Variants in CDH18 observed in about 807,000 individuals in gnomAD.
CDH18 encodes the protein cadherin 18.
A neutral mutation model predicts 67.9 loss-of-function variants in CDH18; 31 were observed. The observed-to-expected ratio is 0.46, with a 90% CI of 0.34 to 0.62. The LOEUF is 0.62. Among genes scored for constraint, CDH18 ranks in the 20% least tolerant of loss-of-function variants. CDH18 has a pLI of 0.01. For synonymous variants in CDH18, 362 were observed against 347.2 expected (o/e 1.04, Z -0.48); for missense variants, 890 against 975.5 (o/e 0.91, Z 1.17).
intron 2 of CDH18, among the ~76,000 whole-genome samples, chr5:20,167,716 G>A (rs1386658168): frequency 6.6e-6 from 1 of 152,126 alleles, no homozygotes; most frequent in Non-Finnish European, 1.5e-5. Flanking sequence ...AGATCCAAGG[G>A]AACAAGGTGG....
chr5:19,725,418 T>C (rs1275072338), intron 4 of CDH18, among the ~76,000 whole-genome samples: 1 of 152,176 alleles, frequency 6.6e-6, no homozygotes, highest in East Asian at 1.9e-4. Flanking sequence ...GATTAGACTT[T>C]AAATGTGCAG....
chr5:19,893,769 C>T (rs1789015516), intron 2 of CDH18, among the ~76,000 whole-genome samples: 1 of 152,080 alleles, frequency 6.6e-6, no homozygotes, highest in Non-Finnish European at 1.5e-5. Context: ...GTTATTTTTG[C>T]TCACCTAAAT....
chr5:19,643,269 A>G (rs1055601440), intron 5 of CDH18, among the ~76,000 whole-genome samples: 2 of 152,130 alleles, frequency 1.3e-5, no homozygotes, highest in African/African-American at 4.8e-5. Context: ...ATGAAAAACA[A>G]TATGAAGGTT....
intron 2 of CDH18, among the ~76,000 whole-genome samples, chr5:19,995,921 A>T (rs1158036026): frequency 1.3e-5 from 2 of 152,136 alleles, no homozygotes; most frequent in African/African-American, 4.8e-5. Flanking sequence ...ATGAAAATTG[A>T]CATTTAGAAG....
In CDH18 at chr5:20,242,596, GAAA is replaced by G. The variant is rs376279568; in HGVS notation, c.-518+12845_-518+12847del. ...TTCTAGGTTTTGGGTTTCATTGAGG[GAAA>G]AAAAAAAAAAAAATATATATATATA... On this transcript the variant is annotated intron_variant, in intron 2 of 14. Transcript: ENST00000507958. Among the ~76,000 whole-genome samples the G allele has an allele frequency of 3.6e-4, 28 of 77,746 alleles. 1 individual carries two copies. The highest frequency in any genetic ancestry group is 8.9e-4 in the African/African-American group (10 of 11,236). 51.0% of individuals were successfully genotyped at this position (77,746 alleles called of 152,430 possible). A position where few individuals can be genotyped will look rare whatever the true frequency, so the allele number is the denominator to read the frequency against.
At chr5:20,428,367 C>A (rs1171658230) in intron 1 of CDH18, among the ~76,000 whole-genome samples, 2 of 152,090 alleles carry the variant, frequency 1.3e-5, no homozygotes, top group African/African-American at 4.8e-5. Flanking sequence ...TGGGTTAGTT[C>A]CAAGTCTTTG....
chr5:20,558,390 A>G (rs1269340665), intron 1 of CDH18, among the ~76,000 whole-genome samples: 1 of 152,122 alleles, frequency 6.6e-6, no homozygotes, highest in Non-Finnish European at 1.5e-5. Flanking sequence ...AAAAAAGGTT[A>G]GTATCTCCAG....
In CDH18 at chr5:19,473,467, T is replaced by C. The variant is rs1737898333; in HGVS notation, c.2132A>G (p.Asp711Gly). Residue 711 changes from aspartate to glycine, a missense_variant, in exon 13 of 13, where the codon GAT becomes GGT. Asp to Gly is a moderately conservative substitution (Grantham distance 94). This residue lies in a region of CDH18 where 656 missense variants were observed against 668.1 expected (regional missense o/e 0.98). Transcript: ENST00000382275. ...HQTSSTLESI[D>G]VQEFIKQRLA... ...TCTTTGCTTAATAAATTCCTGAACA[T>C]CTATGCTTTCCAGGGTGGATGATGT... 1.2e-6 allele frequency: 2 copies of C among 1,613,780 alleles called. No individual in the cohort carries two copies. Among genetic ancestry groups the C allele is most frequent in the Non-Finnish European group, 1.7e-6 (2 of 1,179,862 alleles).
chr5:20,359,141 G>A (rs1275821882), intron 1 of CDH18, among the ~76,000 whole-genome samples: 1 of 151,824 alleles, frequency 6.6e-6, no homozygotes, highest in African/African-American at 2.4e-5. Context: ...ATGTTGGTCA[G>A]GCTGGTCTCA....
At chr5:20,133,800 C>A (rs561062730) in intron 2 of CDH18, among the ~76,000 whole-genome samples, 1 of 151,912 alleles carries the variant, frequency 6.6e-6, no homozygotes, top group Non-Finnish European at 1.5e-5. Context: ...GATATTCAGC[C>A]TGCTTAGTGT....
intron 2 of CDH18, among the ~76,000 whole-genome samples, chr5:20,000,843 G>A (rs745783391): frequency 2.6e-5 from 4 of 152,018 alleles, no homozygotes; most frequent in Admixed American, 2.6e-4. Flanking sequence ...GAAGAAAAAT[G>A]GCACTTTAAA....
chr5:19,505,228 G>C (rs1184723130), intron 10 of CDH18, among the ~76,000 whole-genome samples: 2 of 152,010 alleles, frequency 1.3e-5, no homozygotes, highest in Non-Finnish European at 2.9e-5. Flanking sequence ...CTGAGACGAT[G>C]GGGTTTTCTA....
rs1041499106 is a variant in CDH18, at chr5:19,988,166, C to G, written c.-456G>C. 1 of 152,164 alleles carries G rather than the reference C, an allele frequency of 6.6e-6. No individual in the cohort carries two copies. The highest frequency in any genetic ancestry group is 2.4e-5 in the African/African-American group (1 of 41,428). The allele number at this position is 152,164 out of a possible 1,614,324, so 9.4% of individuals were successfully genotyped here. ...GAGGGGACTTTCCCAGAGCTCTGGG[C>G]ACAGCTGCTCGCCGTCCTCGGAAAG... On this transcript the variant is annotated 5_prime_UTR_variant, in exon 1 of 13. Coordinates refer to ENST00000382275, the MANE Select transcript of CDH18 (RefSeq NM_004934.5).
intron 9 of CDH18, among the ~76,000 whole-genome samples, chr5:19,538,484 C>G (rs1367789905): frequency 2.6e-5 from 4 of 152,260 alleles, no homozygotes; most frequent in Admixed American, 2.6e-4. Context: ...TGACCATACT[C>G]ATAATGTCAT....
In CDH18 at chr5:20,478,476, G is replaced by A. The variant is rs1252483258; in HGVS notation, c.-580+96986C>T. Among the ~76,000 whole-genome samples the A allele has an allele frequency of 2.6e-5, 4 of 152,048 alleles. No homozygotes were observed. In the South Asian group the frequency reaches 6.2e-4, roughly 24 times the overall value. On this transcript the variant is annotated intron_variant, in intron 1 of 14. Coordinates refer to the CDH18 transcript ENST00000507958. Reference sequence around the variant, plus strand: ...GGAAGGTGGCCATGCAGTAACTGCTGTGGGCCTGGAGCAATGGTAGTCATG... The same window carrying A: ...GGAAGGTGGCCATGCAGTAACTGCTATGGGCCTGGAGCAATGGTAGTCATG...
At chr5:20,218,102 C>G (rs538172709) in intron 2 of CDH18, among the ~76,000 whole-genome samples, 82 of 151,984 alleles carry the variant, frequency 5.4e-4, no homozygotes, top group African/African-American at 2.0e-3. Context: ...CAGCATTGAA[C>G]AGGTCATCTA....
chr5:19,621,223 T>TC (rs1750644754), intron 5 of CDH18, among the ~76,000 whole-genome samples: 1 of 151,598 alleles, frequency 6.6e-6, no homozygotes, highest in Admixed American at 6.6e-5. Flanking sequence ...CAGGTTTTTT[T>TC]TTTTTTTTTG....
chr5:20,182,946 G>A (rs1737810492), intron 2 of CDH18, among the ~76,000 whole-genome samples: 1 of 152,124 alleles, frequency 6.6e-6, no homozygotes, highest in Admixed American at 6.6e-5. Flanking sequence ...TATATAATGG[G>A]ATAGTTTAAC....
At chr5:20,330,177 A>G (rs935514042) in intron 1 of CDH18, among the ~76,000 whole-genome samples, 1 of 152,134 alleles carries the variant, frequency 6.6e-6, no homozygotes, top group African/African-American at 2.4e-5. Context: ...GTATTATTAG[A>G]CTTTTTTCCA....
Sources: gnomAD v4.1 joint callset for allele counts (sites outside exome capture counted in the v4.1 genomes callset) on GRCh38, gnomAD v4.1.1 for gene constraint, gnomAD v4.1.1 regional missense constraint, MANE v1.5 for transcripts, NCBI Gene and HGNC (gene_info 2026-07-23, HGNC 2026-07-21) for gene names.